The following ZNF827 variants were observed in gnomAD, a reference collection of about 807,000 sequenced individuals.
ZNF827 encodes the protein zinc finger protein 827.
In ZNF827, 13 loss-of-function variants were observed where a neutral mutation model predicts 102.4. The ratio of observed to expected loss-of-function variants is 0.13; its 90% confidence interval spans 0.08 to 0.20. The LOEUF (loss-of-function observed/expected upper bound fraction) is 0.20, where lower values mean the gene tolerates loss of function less well. Among genes scored for constraint, ZNF827 ranks in the 10% least tolerant of loss-of-function variants. The pLI, the probability that ZNF827 is intolerant of heterozygous loss-of-function variation, is 1.00. For missense variants in ZNF827, 1,103 were observed against 1,344.4 expected (o/e 0.82, Z 2.81); for synonymous variants, 523 against 536.2 (o/e 0.98, Z 0.34).
At chr4:145,796,404 G>C (rs1740384506) in intron 8 of ZNF827, among the ~76,000 whole-genome samples, 1 of 152,126 alleles carries the variant, frequency 6.6e-6, no homozygotes, top group African/African-American at 2.4e-5. Flanking sequence ...GGAGCAAGGA[G>C]CAGTGAATTG....
At chr4:145,789,139 G>A (rs1305999320) in intron 8 of ZNF827, among the ~76,000 whole-genome samples, 1 of 152,186 alleles carries the variant, frequency 6.6e-6, no homozygotes, top group Non-Finnish European at 1.5e-5. Flanking sequence ...GAAGATGAAA[G>A]CCATTGATAA....
chr4:145,797,974 G>A (rs879881338), intron 8 of ZNF827, among the ~76,000 whole-genome samples: 3 of 152,190 alleles, frequency 2.0e-5, no homozygotes, highest in Non-Finnish European at 4.4e-5. Context: ...ATTGCCAAAT[G>A]AGTCACCATC....
chr4:145,762,190 T>G lies in ZNF827; in HGVS notation c.*18-592A>C, dbSNP rs1579065959. ...GCCTGTGTGTGTCTCTCTGTGTGAG[T>G]GTGTGCATGTGTACATATCTATGTA... On this transcript the variant is annotated intron_variant, in intron 14 of 14. Transcript: ENST00000508784. The surrounding 1 kb of genome is among the most constrained non-coding windows in gnomAD (Gnocchi z 4.9). 6.6e-6 allele frequency among the ~76,000 whole-genome samples: 1 copy of G among 152,054 alleles called. No individual in the cohort carries two copies. The highest frequency in any genetic ancestry group is 2.4e-5 in the African/African-American group (1 of 41,414).
chr4:145,932,740 T>C (rs571355131), intron 1 of ZNF827, among the ~76,000 whole-genome samples: 11 of 152,262 alleles, frequency 7.2e-5, no homozygotes, highest in Admixed American at 2.0e-4. Flanking sequence ...TCCCAAAGTG[T>C]TGGGATTACA....
At chr4:145,861,142 C>G (rs945426948) in intron 5 of ZNF827, among the ~76,000 whole-genome samples, 1 of 152,042 alleles carries the variant, frequency 6.6e-6, no homozygotes, top group African/African-American at 2.4e-5. Flanking sequence ...CATATTCATG[C>G]GATTTAATTA....
In ZNF827 at chr4:145,902,578, A is replaced by T. The variant is rs1751512340; in HGVS notation, c.681T>A (p.Ser227=). 1 of 1,613,842 alleles carries T rather than the reference A, an allele frequency of 6.2e-7. No individual in the cohort carries two copies. Among genetic ancestry groups the T allele is most frequent in the Non-Finnish European group, 8.5e-7 (1 of 1,179,876 alleles). ...AAANAVLQDK[S]LTRTEETMRF... is the part of the protein sequence containing the mutation. ...GCATGGTCTCCTCAGTCCTGGTGAGAGATTTGTCCTGCAGAACGGCATTGG... is the reference window on the plus strand; with the variant it reads ...GCATGGTCTCCTCAGTCCTGGTGAGTGATTTGTCCTGCAGAACGGCATTGG... Residue 227 remains serine, a synonymous_variant, in exon 2 of 15, where the codon TCT becomes TCA. Coordinates refer to ENST00000508784, the MANE Select transcript of ZNF827 (RefSeq NM_001306215.2). This position sits in a 1 kb window ranked among gnomAD's most constrained non-coding sequence, Gnocchi z 4.3.
intron 6 of ZNF827, among the ~76,000 whole-genome samples, chr4:145,846,913 G>C (rs559915498): frequency 2.4e-4 from 35 of 147,684 alleles, no homozygotes; most frequent in Admixed American, 4.0e-4. Context: ...CAGCACTTTG[G>C]GAGGCCGAGG....
chr4:145,792,533 A>T (rs891985313), intron 8 of ZNF827, among the ~76,000 whole-genome samples: 1 of 149,370 alleles, frequency 6.7e-6, no homozygotes, highest in Non-Finnish European at 1.5e-5. Flanking sequence ...TAGATATATA[A>T]TTTTTTTTTT....
At chr4:145,908,463 T>TA (rs1485903784) in intron 1 of ZNF827, among the ~76,000 whole-genome samples, 1 of 152,224 alleles carries the variant, frequency 6.6e-6, no homozygotes, top group African/African-American at 2.4e-5. Context: ...TTCTGGTTTA[T>TA]TTTCATGTAA....
chr4:145,757,887 G>GC lies in ZNF827; in HGVS notation c.*3728dup, dbSNP rs777135068. 1 of 152,088 alleles carries GC rather than the reference G, an allele frequency of 6.6e-6. No homozygotes were observed. The highest frequency in any genetic ancestry group is 1.5e-5 in the Non-Finnish European group (1 of 68,020). 9.4% of individuals were successfully genotyped at this position (152,088 alleles called of 1,614,324 possible). A position where few individuals can be genotyped will look rare whatever the true frequency, so the allele number is the denominator to read the frequency against. On this transcript the variant is annotated 3_prime_UTR_variant, in exon 15 of 15. Transcript: ENST00000508784. ...AAAGAAAGTGCTGAGAACCCTAACT[G>GC]CATTACTATATGGAAAAATAAGCTA...
At chr4:145,773,198 T>G (rs1736548080) in intron 11 of ZNF827, among the ~76,000 whole-genome samples, 2 of 152,200 alleles carry the variant, frequency 1.3e-5, no homozygotes, top group Non-Finnish European at 2.9e-5. Flanking sequence ...CTGAATTTAA[T>G]TTGTCTTCAA....
intron 4 of ZNF827, among the ~76,000 whole-genome samples, chr4:145,874,231 G>A (rs1217655817): frequency 6.6e-6 from 1 of 152,198 alleles, no homozygotes; most frequent in Admixed American, 6.5e-5. Flanking sequence ...AAAGGCAATA[G>A]GCAAGCTGTA....
At chr4:145,913,143 A>T (rs1752410050) in intron 1 of ZNF827, among the ~76,000 whole-genome samples, 3 of 152,206 alleles carry the variant, frequency 2.0e-5, no homozygotes, top group Non-Finnish European at 4.4e-5. Context: ...TTAAAAAAAT[A>T]GGCCAAGCAT....
At position 145,885,742 on chromosome 4, in the gene ZNF827, C is replaced by T. The variant is rs760211322; in HGVS notation, c.1683G>A (p.Ala561=). 1.5e-5 allele frequency: 24 copies of T among 1,587,840 alleles called. No individual in the cohort carries two copies. Among genetic ancestry groups the T allele is most frequent in the Middle Eastern group, 1.7e-4 (1 of 5,938 alleles). The change falls in exon 4 of 15, where the codon GCG becomes GCA. Residue 561 remains alanine (A), a synonymous_variant. Transcript: ENST00000508784. The part of the protein sequence containing the change: ...KDPSEYVANS[A]SALFSQDISV... The stretch of plus-strand genomic sequence containing the variant: ...AGATGTCCTGGCTGAACAATGCTGA[C>T]GCACTGTTGGCCACATACTCGGAGG...
At chr4:145,791,015 T>C (rs1739600835) in intron 8 of ZNF827, among the ~76,000 whole-genome samples, 1 of 152,256 alleles carries the variant, frequency 6.6e-6, no homozygotes, top group Non-Finnish European at 1.5e-5. Context: ...TGGGAGTTTC[T>C]GTTTGTTGGT....
At chr4:145,892,851 A>G (rs377644658) in intron 2 of ZNF827, among the ~76,000 whole-genome samples, 130 of 152,348 alleles carry the variant, frequency 8.5e-4, no homozygotes, top group Middle Eastern at 3.4e-3. Context: ...AACAGTGAGA[A>G]ATAAAAACAA....
At chr4:145,812,803 C>T (rs990545237) in intron 8 of ZNF827, among the ~76,000 whole-genome samples, 3 of 152,188 alleles carry the variant, frequency 2.0e-5, no homozygotes, top group Non-Finnish European at 2.9e-5. Flanking sequence ...GCTCGGATTA[C>T]AGGTGTGAGC....
intron 8 of ZNF827, among the ~76,000 whole-genome samples, chr4:145,803,082 C>T (rs562115731): frequency 2.6e-5 from 4 of 152,100 alleles, no homozygotes; most frequent in African/African-American, 9.7e-5. Flanking sequence ...TCCTTCCCTC[C>T]TATCTGTCAT....
chr4:145,806,413 C>T (rs900284306), intron 8 of ZNF827, among the ~76,000 whole-genome samples: 2 of 152,088 alleles, frequency 1.3e-5, no homozygotes, highest in African/African-American at 4.8e-5. Context: ...GCCTTGGCCT[C>T]CCAAAGTGCT....
Sources: allele counts gnomAD v4.1 joint callset (sites outside exome capture counted in the v4.1 genomes callset), GRCh38; gene constraint gnomAD v4.1.1; non-coding constraint Gnocchi (gnomAD v3.1); transcripts MANE v1.5; gene names NCBI Gene and HGNC (gene_info 2026-07-23, HGNC 2026-07-21).